The following USO1 variants were observed in gnomAD, a reference collection of about 807,000 sequenced individuals.
The protein encoded by USO1 is general vesicular transport factor p115.
In USO1, 57 loss-of-function variants were observed where a neutral mutation model predicts 124.5. The ratio of observed to expected loss-of-function variants is 0.46; its 90% CI spans 0.37 to 0.57. The LOEUF is 0.57. Ranked by LOEUF, USO1 falls within the 20% of genes least tolerant of loss-of-function variation. The probability of loss-of-function intolerance (pLI) is 0.00; values close to 1 mark genes in which losing one functional copy is unlikely to be tolerated. For synonymous variants in USO1, 369 were observed against 362.8 expected (o/e 1.02, Z -0.19); for missense variants, 900 against 1,040.6 (o/e 0.86, Z 1.86).
At position 75,770,476 on chromosome 4, in the gene USO1, C is replaced by G. The variant is rs2149167340; in HGVS notation, c.333C>G (p.Ser111Arg). 6.3e-7 allele frequency: 1 copy of G among 1,591,096 alleles called. No homozygotes were observed. Among genetic ancestry groups the G allele is most frequent in the Non-Finnish European group, 8.6e-7 (1 of 1,167,772 alleles). ...NSTRQSEDLG[S>R]QFTEIFIKQQ... The stretch of plus-strand genomic sequence containing the variant: ...CAAGACAGAGTGAAGATTTGGGAAG[C>G]CAATTTACAGAAATTTTCATTAAGC... The change falls in exon 5 of 24, where the codon AGC becomes AGG. Residue 111 changes from serine to arginine, a missense_variant. Coordinates refer to ENST00000514213, the MANE Select transcript of USO1 (RefSeq NM_003715.4).
intron 13 of USO1, among the ~76,000 whole-genome samples, chr4:75,798,169 CTT>C (rs913561750): frequency 1.3e-4 from 19 of 151,400 alleles, no homozygotes; most frequent in Non-Finnish European, 1.2e-4. Context: ...TGACTTTGCT[CTT>C]CTTATCCTTC....
intron 13 of USO1, among the ~76,000 whole-genome samples, chr4:75,797,987 C>T (rs968422260): frequency 2.0e-5 from 3 of 152,162 alleles, no homozygotes; most frequent in South Asian, 4.1e-4. Context: ...TATCTAAGAA[C>T]ATGGTGGCTT....
rs7685439 is a variant in USO1, at chr4:75,780,615, C to T, written c.677-2065C>T. ...TGTTAACACAACATGCATTTTGCAGCCCATGGATCAAGGATAAATTTTGAC... is the reference window on the plus strand; with the variant it reads ...TGTTAACACAACATGCATTTTGCAGTCCATGGATCAAGGATAAATTTTGAC... On this transcript the variant is annotated intron_variant, in intron 8 of 23. Coordinates refer to ENST00000514213, the MANE Select transcript of USO1 (RefSeq NM_003715.4). Among the ~76,000 whole-genome samples the T allele has an allele frequency of 8.8e-4, 130 of 146,958 alleles. 1 individual carries two copies. The highest frequency in any genetic ancestry group is 3.1e-3 in the African/African-American group (125 of 40,064).
At chr4:75,809,520 A>G (rs1205980240) in intron 21 of USO1, among the ~76,000 whole-genome samples, 1 of 152,222 alleles carries the variant, frequency 6.6e-6, no homozygotes, top group Non-Finnish European at 1.5e-5. Context: ...CTGCACTCCA[A>G]CACTTTGCTT....
chr4:75,769,715 AGTT>A (rs1254351240), intron 4 of USO1, among the ~76,000 whole-genome samples: 3 of 149,768 alleles, frequency 2.0e-5, no homozygotes, highest in East Asian at 2.0e-4. Context: ...TTGCTTTGGC[AGTT>A]GTTGCTTTCA....
Position 75,757,519 on chromosome 4 carries a change from T to G in USO1, c.241T>G (p.Tyr81Asp). 2.0e-6 allele frequency: 3 copies of G among 1,516,902 alleles called. No homozygotes were observed. The highest frequency in any genetic ancestry group is 2.7e-6 in the Non-Finnish European group (3 of 1,131,148). The allele number at this position is 1,516,902 out of a possible 1,614,324, so 94.0% of individuals were successfully genotyped here. A position where few individuals can be genotyped will look rare whatever the true frequency, so the allele number is the denominator to read the frequency against. The change falls in exon 4 of 24, where the codon TAT becomes GAT. Residue 81 changes from tyrosine to aspartate, a missense_variant. Coordinates refer to ENST00000514213, the MANE Select transcript of USO1 (RefSeq NM_003715.4). The stretch of plus-strand genomic sequence containing the variant: ...CAGTTCAGATTCTGAAATAATAGGT[T>G]ATGCTTTGGACACACTATATAATAT... Reference protein sequence around the residue: ...TDRSDSEIIGYALDTLYNIIS... With the variant: ...TDRSDSEIIGDALDTLYNIIS...
intron 1 of USO1, among the ~76,000 whole-genome samples, chr4:75,748,972 G>GTA (rs1560439600): frequency 2.0e-5 from 3 of 151,552 alleles, no homozygotes; most frequent in South Asian, 2.1e-4. Context: ...ACATATATGT[G>GTA]TATATATATG....
Position 75,805,150 on chromosome 4 carries a change from TC to T in USO1, c.2137del (p.Gln713SerfsTer12). 6.3e-7 allele frequency: 1 copy of T among 1,577,918 alleles called. No homozygotes were observed. Among genetic ancestry groups the T allele is most frequent in the Non-Finnish European group, 8.6e-7 (1 of 1,167,174 alleles). On this transcript the variant is annotated frameshift_variant, in exon 19 of 24. Transcript: ENST00000514213. LOFTEE classifies it high-confidence loss of function. ...LLKIQLGKDN[Q>X]HQGSYSEGAQ... ...ATGTCTGTCTAACAGGAAAAGACAA[TC>T]AGCATCAAGGTTCTTACAGTGAGGG...
chr4:75,792,485 T>A (rs779832052), intron 12 of USO1, among the ~76,000 whole-genome samples: 5 of 151,996 alleles, frequency 3.3e-5, no homozygotes, highest in Non-Finnish European at 7.4e-5. Flanking sequence ...TGCAGTGAAC[T>A]GAGATCACGC....
chr4:75,736,761 A>G (rs887818144), intron 1 of USO1, among the ~76,000 whole-genome samples: 6 of 152,220 alleles, frequency 3.9e-5, no homozygotes, highest in Non-Finnish European at 7.3e-5. Flanking sequence ...TGTCTTATTC[A>G]TTATTATGTT....
chr4:75,747,770 C>T lies in USO1; in HGVS notation c.67-4603C>T, dbSNP rs796657035. Among the ~76,000 whole-genome samples, 13 of 151,154 alleles carry T rather than the reference C, an allele frequency of 8.6e-5. 1 individual carries two copies. The highest frequency in any genetic ancestry group is 2.7e-4 in the African/African-American group (11 of 41,192). On this transcript the variant is annotated intron_variant, in intron 1 of 23. Transcript: ENST00000514213. The stretch of plus-strand genomic sequence containing the variant: ...GACTACAGATGTCCACCACCATACC[C>T]AGCTAATTTTTTGTATTTTTTTTTT...
At chr4:75,810,384 T>C (rs1019211747) in intron 21 of USO1, 48 bp from the exon 22 acceptor site, 3 of 1,530,290 alleles carry the variant, frequency 2.0e-6, no homozygotes, top group Non-Finnish European at 2.6e-6. Flanking sequence ...GAGTTCATAT[T>C]GATTGTAATG....
chr4:75,774,912 C>T (rs1722032379), intron 8 of USO1, 116 bp downstream of exon 8: 1 of 1,379,750 alleles, frequency 7.2e-7, no homozygotes, highest in Non-Finnish European at 9.5e-7. Context: ...CTTTGTTTTT[C>T]TTTCACTATG....
intron 3 of USO1, among the ~76,000 whole-genome samples, chr4:75,756,803 G>A (rs1433034210): frequency 6.6e-6 from 1 of 151,720 alleles, no homozygotes; most frequent in Non-Finnish European, 1.5e-5. Flanking sequence ...GTGAGCAACC[G>A]CACCGGGCAC....
At chr4:75,760,160 G>A (rs936909469) in intron 4 of USO1, among the ~76,000 whole-genome samples, 27 of 151,734 alleles carry the variant, frequency 1.8e-4, no homozygotes, top group Non-Finnish European at 3.1e-4. Context: ...TGCAGTGAGC[G>A]GAGATCGCAC....
chr4:75,787,116 C>A lies in USO1; in HGVS notation c.910C>A (p.Gln304Lys), dbSNP rs2149178520. Residue 304 changes from glutamine to lysine, a missense_variant, in exon 10 of 24, where the codon CAG becomes AAG. This residue lies in a region of USO1 where 538 missense variants were observed against 681.6 expected (regional missense o/e 0.79). Transcript: ENST00000514213. Reference sequence around the variant, plus strand: ...CCCTCCTGGTGCTACCAGTAGCTGCCAGAAGGCTATGTTCCAGTGTGGGTT... The same window carrying A: ...CCCTCCTGGTGCTACCAGTAGCTGCAAGAAGGCTATGTTCCAGTGTGGGTT... ...TNPPGATSSC[Q>K]KAMFQCGLLQ... is the part of the protein sequence containing the mutation. 6.2e-7 allele frequency: 1 copy of A among 1,607,390 alleles called. No individual in the cohort carries two copies. Among genetic ancestry groups the A allele is most frequent in the Admixed American group, 1.7e-5 (1 of 59,116 alleles).
Position 75,750,278 on chromosome 4 carries a change from A to G in USO1, c.67-2095A>G, listed in dbSNP as rs960204784. On this transcript the variant is annotated intron_variant, in intron 1 of 23. Transcript: ENST00000514213. ...GTTAGACCCTGTCTCTAAAAATTAC[A>G]AGAAAATTAGCCAGATGTAGTTGTG... 1.1e-3 allele frequency among the ~76,000 whole-genome samples: 169 copies of G among 152,056 alleles called. 2 individuals are homozygous for G. The highest frequency in any genetic ancestry group is 3.9e-3 in the African/African-American group (163 of 41,488).
intron 17 of USO1, 41 bp downstream of exon 17, chr4:75,801,241 A>G (rs571618148): frequency 1.3e-6 from 2 of 1,501,486 alleles, no homozygotes; most frequent in East Asian, 2.4e-5. Context: ...GATTACCAAT[A>G]GGCACTTTCT....
intron 8 of USO1, among the ~76,000 whole-genome samples, chr4:75,782,393 T>A (rs1722244986): frequency 6.6e-6 from 1 of 152,196 alleles, no homozygotes; most frequent in Admixed American, 6.5e-5. Flanking sequence ...TCCTGTAGTC[T>A]TGGTAATCAT....
Sources: allele counts gnomAD v4.1 joint callset (sites outside exome capture counted in the v4.1 genomes callset), GRCh38; gene constraint gnomAD v4.1.1; regional missense constraint gnomAD v4.1.1; transcripts MANE v1.5; gene names NCBI Gene and HGNC (gene_info 2026-07-23, HGNC 2026-07-21).